AP3M1: variants seen among roughly 807,000 people sequenced by gnomAD.
The protein encoded by AP3M1 is AP-3 complex subunit mu-1.
Under a neutral mutation model 42.6 loss-of-function variants are expected in AP3M1, and 29 were observed. That is an observed-to-expected ratio of 0.68 (90% CI 0.51 to 0.93). The LOEUF is 0.93. Ranked by LOEUF, AP3M1 falls within the 40% of genes least tolerant of loss-of-function variation. The pLI, the probability that AP3M1 is intolerant of heterozygous loss-of-function variation, is 0.00. For missense variants in AP3M1, 416 were observed against 510.2 expected, an observed-to-expected ratio of 0.82 and a Z score of 1.78; for synonymous variants, 178 against 175.3, an observed-to-expected ratio of 1.02 and a Z score of -0.12.
At chr10:74,139,650 G>A (rs1051800762) in intron 1 of AP3M1, among the ~76,000 whole-genome samples, 2 of 151,644 alleles carry the variant, frequency 1.3e-5, no homozygotes, top group African/African-American at 2.4e-5. Flanking sequence ...AGGCGCGGTG[G>A]CTCACGCCTG....
At chr10:74,150,258 C>G (rs1841511430) in intron 1 of AP3M1, 1 of 152,396 alleles carries the variant, frequency 6.6e-6, no homozygotes, top group Non-Finnish European at 1.5e-5. Flanking sequence ...TCAAACAAAT[C>G]TACCAAATAC....
intron 3 of AP3M1, 134 bp downstream of exon 3, chr10:74,136,498 C>T: frequency 1.8e-6 from 1 of 565,632 alleles, no homozygotes; most frequent in Non-Finnish European, 2.7e-6. Context: ...ATAGTACATC[C>T]ATTTTAACTT....
chr10:74,124,344 C>T, intron 8 of AP3M1, 36 bp downstream of exon 8: 1 of 1,573,240 alleles, frequency 6.4e-7, no homozygotes, highest in Non-Finnish European at 8.6e-7. Context: ...TTGCAAAACT[C>T]AATTACCCTT....
chr10:74,136,337 T>G (rs1840941379), intron 3 of AP3M1, among the ~76,000 whole-genome samples: 1 of 152,128 alleles, frequency 6.6e-6, no homozygotes, highest in African/African-American at 2.4e-5. Flanking sequence ...ACTGGCTTCT[T>G]TAGGAATAAC....
At chr10:74,139,602 AG>A (rs1841070163) in intron 1 of AP3M1, among the ~76,000 whole-genome samples, 3 of 151,036 alleles carry the variant, frequency 2.0e-5, no homozygotes, top group African/African-American at 7.3e-5. Flanking sequence ...GCCAACGTGC[AG>A]AAACTCTGTC....
chr10:74,133,889 A>AAG, intron 4 of AP3M1, 138 bp downstream of exon 4: 2 of 972,076 alleles, frequency 2.1e-6, no homozygotes, highest in South Asian at 3.2e-5. Context: ...CTCTGACCTC[A>AAG]TGTTCCGCCT....
At chr10:74,133,582 A>C (rs1840847279) in intron 4 of AP3M1, among the ~76,000 whole-genome samples, 1 of 151,940 alleles carries the variant, frequency 6.6e-6, no homozygotes, top group Admixed American at 6.6e-5. Flanking sequence ...TAAATAAACA[A>C]ACAGATTTAA....
intron 3 of AP3M1, among the ~76,000 whole-genome samples, chr10:74,134,956 T>C (rs1591752273): frequency 6.6e-6 from 1 of 151,508 alleles, no homozygotes; most frequent in Non-Finnish European, 1.5e-5. Flanking sequence ...GTATATTTCT[T>C]TGAATATTTC....
rs1012275294 is a variant in AP3M1 at position 74,120,895 on chromosome 10, C to CA, written c.*2914dup. The CA allele has an allele frequency of 7.9e-5, 12 of 152,276 alleles. No homozygotes were observed. Among genetic ancestry groups the CA allele is most frequent in the African/African-American group, 2.6e-4 (11 of 41,542 alleles). The allele number at this position is 152,276 out of a possible 1,614,324, so 9.4% of individuals were successfully genotyped here. ...TCAGGGATCCACCAGGGCTATAAAA[C>CA]AGAGTTAGCTTTTGGGGACATAGTC... On this transcript the variant is annotated 3_prime_UTR_variant, in exon 9 of 9. Coordinates refer to ENST00000355264, the MANE Select transcript of AP3M1 (RefSeq NM_012095.6).
intron 1 of AP3M1, among the ~76,000 whole-genome samples, chr10:74,140,848 T>A (rs1841124408): frequency 6.6e-6 from 1 of 152,040 alleles, no homozygotes; most frequent in Admixed American, 6.6e-5. Flanking sequence ...TACAAAAGAA[T>A]GAAATTGGAT....
At chr10:74,137,701 A>C (rs1840989026) in intron 2 of AP3M1, among the ~76,000 whole-genome samples, 1 of 152,222 alleles carries the variant, frequency 6.6e-6, no homozygotes, top group African/African-American at 2.4e-5. Context: ...ACATCCTCCT[A>C]TATACTTTAA....
At chr10:74,128,656 T>G (rs1261033630) in intron 6 of AP3M1, among the ~76,000 whole-genome samples, 1 of 152,070 alleles carries the variant, frequency 6.6e-6, no homozygotes, top group Non-Finnish European at 1.5e-5. Flanking sequence ...GGCCACAAAC[T>G]CTACAGACTA....
chr10:74,149,267 GTTTTTTTTTTTTTT>G (rs57279906), intron 1 of AP3M1, among the ~76,000 whole-genome samples: 20 of 60,098 alleles, frequency 3.3e-4, no homozygotes, highest in East Asian at 1.4e-3. Flanking sequence ...GATACGTAAG[GTTTTTTTTTTTTTT>G]TTTTTTTTTT....
chr10:74,124,637 GAAAAC>G, intron 7 of AP3M1, 113 bp from the exon 8 acceptor site: 1 of 846,572 alleles, frequency 1.2e-6, no homozygotes, highest in Non-Finnish European at 1.8e-6. Flanking sequence ...GCAGTCTCTT[GAAAAC>G]AAGAGATCTG....
At chr10:74,144,592 T>C (rs1261551219) in intron 1 of AP3M1, among the ~76,000 whole-genome samples, 1 of 152,160 alleles carries the variant, frequency 6.6e-6, no homozygotes, top group Non-Finnish European at 1.5e-5. Flanking sequence ...TTAATTAATT[T>C]AAATTTAAAT....
Position 74,123,587 on chromosome 10 carries a change from C to G in AP3M1, c.*223G>C. 1 of 545,026 alleles carries G rather than the reference C, an allele frequency of 1.8e-6. No individual in the cohort carries two copies. Among genetic ancestry groups the G allele is most frequent in the Non-Finnish European group, 3.2e-6 (1 of 308,098 alleles). The allele number at this position is 545,026 out of a possible 1,614,324, so 33.8% of individuals were successfully genotyped here. ...GGAAAAAAATCACCTCCAAAATCTTCCTAAGTGAAAAGATACAAAATAAGC... is the reference window on the plus strand; with the variant it reads ...GGAAAAAAATCACCTCCAAAATCTTGCTAAGTGAAAAGATACAAAATAAGC... On this transcript the variant is annotated 3_prime_UTR_variant, in exon 9 of 9. Transcript: ENST00000355264.
Sources: allele counts gnomAD v4.1 joint callset (sites outside exome capture counted in the v4.1 genomes callset), GRCh38; gene constraint gnomAD v4.1.1; transcripts MANE v1.5; gene names NCBI Gene and HGNC (gene_info 2026-07-23, HGNC 2026-07-21).